Variants in TPPP observed in about 807,000 individuals in gnomAD.
TPPP encodes tubulin polymerization promoting protein, also known as tubulin polymerization-promoting protein.
In TPPP, 6 loss-of-function variants were observed where a neutral mutation model predicts 15.5. The observed-to-expected ratio is 0.39, with a 90% CI of 0.21 to 0.77. The LOEUF is 0.77. TPPP is among the 30% of genes least tolerant of loss of function. The pLI is 0.42. For missense variants in TPPP, 269 were observed against 307.2 expected, an observed-to-expected ratio of 0.88 and a Z score of 0.93; for synonymous variants, 146 against 133.9, an observed-to-expected ratio of 1.09 and a Z score of -0.63.
In TPPP at chr5:663,851, G is replaced by C. The variant is rs774294305; in HGVS notation, c.*1251C>G. On this transcript the variant is annotated 3_prime_UTR_variant, in exon 4 of 4. Coordinates refer to ENST00000360578, the MANE Select transcript of TPPP (RefSeq NM_007030.3). Reference sequence around the variant, plus strand: ...CACACGTGTGGCTGTGGCTGTGTGCGTGCCAAGGGACAGTGGCAGTGTGCC... The same window carrying C: ...CACACGTGTGGCTGTGGCTGTGTGCCTGCCAAGGGACAGTGGCAGTGTGCC... 6.6e-6 allele frequency: 1 copy of C among 152,360 alleles called. No homozygotes were observed. Among genetic ancestry groups the C allele is most frequent in the Non-Finnish European group, 1.5e-5 (1 of 68,124 alleles). 9.4% of individuals were successfully genotyped at this position (152,360 alleles called of 1,614,324 possible).
chr5:692,772 T>C (rs62330329), intron 1 of TPPP: 667,814 of 946,822 alleles, frequency 0.71, 257,665 homozygotes, highest in African/African-American at 0.94. Flanking sequence ...GTCAGGACCC[T>C]GAGATGGGCC....
intron 1 of TPPP, among the ~76,000 whole-genome samples, chr5:683,656 C>A (rs1250449758): frequency 6.6e-6 from 1 of 152,256 alleles, no homozygotes; most frequent in Admixed American, 6.5e-5. Context: ...TCCTTCCATG[C>A]CCTCAGGGCA....
intron 2 of TPPP, among the ~76,000 whole-genome samples, chr5:677,018 GCA>G (rs1295006855): frequency 1.4e-5 from 2 of 144,746 alleles, no homozygotes; most frequent in Non-Finnish European, 3.0e-5. Context: ...GCAGAAACGC[GCA>G]CACGTGCACA....
intron 1 of TPPP, among the ~76,000 whole-genome samples, chr5:682,960 A>T (rs1740668118): frequency 6.6e-6 from 1 of 152,090 alleles, no homozygotes; most frequent in Non-Finnish European, 1.5e-5. Flanking sequence ...GAGACCTCAG[A>T]GCCAGCCCTC....
intron 2 of TPPP, among the ~76,000 whole-genome samples, chr5:669,277 GAGCCCGGT>G (rs1462040627): frequency 2.1e-4 from 16 of 74,518 alleles, no homozygotes; most frequent in African/African-American, 8.1e-4. Flanking sequence ...GGGCGCTGGT[GAGCCCGGT>G]GAGCCGGAGG....
At chr5:669,740 C>T (rs448605) in intron 2 of TPPP, among the ~76,000 whole-genome samples, 47,117 of 151,928 alleles carry the variant, frequency 0.31, 7,446 homozygotes, top group Non-Finnish European at 0.34. Flanking sequence ...CCGAGTGTCT[C>T]GGGGAAAGGG....
At chr5:685,400 C>T (rs887376666) in intron 1 of TPPP, among the ~76,000 whole-genome samples, 2 of 152,224 alleles carry the variant, frequency 1.3e-5, no homozygotes, top group Non-Finnish European at 2.9e-5. Flanking sequence ...TCTCACATGG[C>T]GTCCTCCGGC....
In TPPP at chr5:677,894, C is replaced by T. The variant is rs751569987; in HGVS notation, c.167G>A (p.Arg56Gln). ...PELSALEEAF[R>Q]RFAVHGDARA... Reference sequence around the variant, plus strand: ...GGCGTCCCCGTGCACGGCAAAGCGCCGGAAGGCCTCCTCCAGGGCACTGAG... The same window carrying T: ...GGCGTCCCCGTGCACGGCAAAGCGCTGGAAGGCCTCCTCCAGGGCACTGAG... The change falls in exon 2 of 4, where the codon CGG becomes CAG. Residue 56 changes from arginine to glutamine, a missense_variant. Arg to Gln is a conservative substitution (Grantham distance 43). Coordinates refer to ENST00000360578, the MANE Select transcript of TPPP (RefSeq NM_007030.3). 6.8e-6 allele frequency: 11 copies of T among 1,612,742 alleles called. No homozygotes were observed. Among genetic ancestry groups the T allele is most frequent in the Admixed American group, 3.3e-5 (2 of 59,974 alleles).
chr5:675,210 AGCCGGGGGTGCAGTGTG>A (rs1359384200), intron 2 of TPPP, among the ~76,000 whole-genome samples: 1 of 28,834 alleles, frequency 3.5e-5, no homozygotes, highest in Non-Finnish European at 6.0e-5. Flanking sequence ...GGTTCAGTGT[AGCCGGGGGTGCAGTGTG>A]GCTGGGGGTG....
At chr5:676,316 CAT>C (rs1386215058) in intron 2 of TPPP, 6 of 152,440 alleles carry the variant, frequency 3.9e-5, no homozygotes, top group African/African-American at 1.2e-4. Context: ...CCGGGAGACA[CAT>C]GTGACATCGC....
chr5:684,633 T>A lies in TPPP; in HGVS notation c.-4-6569A>T, dbSNP rs374354855. ...CTCCTGCCGAGGAGGTGCTTCCCCA[T>A]TAAACAGGGCCAAGGAACAAGGTGG... On this transcript the variant is annotated intron_variant, in intron 1 of 3. Coordinates refer to ENST00000360578, the MANE Select transcript of TPPP (RefSeq NM_007030.3). 2.2e-3 allele frequency among the ~76,000 whole-genome samples: 336 copies of A among 152,036 alleles called. 1 individual carries two copies. Among genetic ancestry groups the A allele is most frequent in the African/African-American group, 7.6e-3 (315 of 41,458 alleles).
At chr5:679,071 G>A (rs1384447991) in intron 1 of TPPP, among the ~76,000 whole-genome samples, 1 of 152,168 alleles carries the variant, frequency 6.6e-6, no homozygotes, top group African/African-American at 2.4e-5. Flanking sequence ...CACAAGAGCC[G>A]GTGGGAGGGT....
At chr5:696,862 GTGTGTGTCTATT>G (rs1741021365), upstream of TPPP, among the ~76,000 whole-genome samples, 3 of 69,654 alleles carry the variant, frequency 4.3e-5, no homozygotes. Context: ...GTTCAGCTGT[GTGTGTGTCTATT>G]TGTGTGTCTC....
intron 3 of TPPP, 62 bp from the exon 4 acceptor site, chr5:665,358 A>T (rs1739853042): frequency 8.0e-6 from 12 of 1,509,362 alleles, no homozygotes; most frequent in African/African-American, 1.4e-5. Context: ...CCAGCAAGTG[A>T]AATGGCTGTG....
At chr5:696,809 T>C (rs145530681), upstream of TPPP, among the ~76,000 whole-genome samples, 10,165 of 123,308 alleles carry the variant, frequency 0.082, 313 homozygotes, top group African/African-American at 0.26. Flanking sequence ...TGTGTGAGTA[T>C]GCATGCCGGT....
the TPPP span, among the ~76,000 whole-genome samples, chr5:700,655 G>A: frequency 2.0e-5 from 3 of 151,466 alleles, no homozygotes; most frequent in African/African-American, 4.9e-5. Context: ...CTGCATCCCT[G>A]AATAAGGTTT....
In TPPP at chr5:662,662, G is replaced by A. The variant is rs1017285304; in HGVS notation, c.*2440C>T. 2 of 152,626 alleles carry A rather than the reference G, an allele frequency of 1.3e-5. No homozygotes were observed. The highest frequency in any genetic ancestry group is 2.4e-5 in the African/African-American group (1 of 41,468). 9.5% of individuals were successfully genotyped at this position (152,626 alleles called of 1,614,324 possible). On this transcript the variant is annotated 3_prime_UTR_variant, in exon 4 of 4. Coordinates refer to ENST00000360578, the MANE Select transcript of TPPP (RefSeq NM_007030.3). ...GAAACGCAGCCTGTGACCAGGAGAC[G>A]CAGCCCAGGGTGGAGCCGCGCTGGG...
intron 2 of TPPP, among the ~76,000 whole-genome samples, chr5:669,509 C>A (rs191759553): frequency 6.6e-6 from 1 of 152,158 alleles, no homozygotes; most frequent in African/African-American, 2.4e-5. Flanking sequence ...TGTCCTGGGC[C>A]GTCAAAGGCT....
rs574778530 is a variant in TPPP at position 667,319 on chromosome 5, GAA to G, written c.312-1198_312-1197del. The stretch of plus-strand genomic sequence containing the variant: ...TACAGGTGCAGAGGCAAGCCAGAGA[GAA>G]AGGACTGTTTCTTCCACAAGTGGAG... On this transcript the variant is annotated intron_variant, in intron 2 of 3. Coordinates refer to ENST00000360578, the MANE Select transcript of TPPP (RefSeq NM_007030.3). 1.7e-3 allele frequency among the ~76,000 whole-genome samples: 262 copies of G among 152,312 alleles called. 6 individuals carry two copies. Among genetic ancestry groups the G allele is most frequent in the African/African-American group, 5.8e-3 (239 of 41,542 alleles).
Sources: gnomAD v4.1 joint callset for allele counts (sites outside exome capture counted in the v4.1 genomes callset) on GRCh38, gnomAD v4.1.1 for gene constraint, MANE v1.5 for transcripts, NCBI Gene and HGNC (gene_info 2026-07-23, HGNC 2026-07-21) for gene names.